UGT1A8: variants seen among roughly 807,000 people sequenced by gnomAD.
UGT1A8 encodes the protein UDP glucuronosyltransferase family 1 member A8.
UGT1A8 carries 39 observed loss-of-function variants against 45.3 expected under a neutral mutation model. The ratio of observed to expected loss-of-function variants is 0.86; its 90% CI spans 0.67 to 1.12. The LOEUF (loss-of-function observed/expected upper bound fraction) is 1.12, where lower values mean the gene tolerates loss of function less well. UGT1A8 is among the 50% of genes most tolerant of loss of function. The pLI, the probability that UGT1A8 is intolerant of heterozygous loss-of-function variation, is 0.00. For synonymous variants in UGT1A8, 275 were observed against 249.2 expected, an observed-to-expected ratio of 1.10 and a Z score of -0.97; for missense variants, 719 against 664.9, an observed-to-expected ratio of 1.08 and a Z score of -0.90.
chr2:233,685,346 A>C (rs930458556), intron 1 of UGT1A8, among the ~76,000 whole-genome samples: 1 of 152,100 alleles, frequency 6.6e-6, no homozygotes, highest in African/African-American at 2.4e-5. Flanking sequence ...AAGTGGTTTT[A>C]ATGAGAAAAA....
chr2:233,697,232 TTTTA>T (rs1162508467), intron 1 of UGT1A8, among the ~76,000 whole-genome samples: 1 of 152,140 alleles, frequency 6.6e-6, no homozygotes, highest in Non-Finnish European at 1.5e-5. Context: ...ATGAGAGACT[TTTTA>T]TTACTGCTTC....
At chr2:233,732,709 C>T (rs540969589) in intron 1 of UGT1A8, among the ~76,000 whole-genome samples, 1 of 150,878 alleles carries the variant, frequency 6.6e-6, no homozygotes, top group Non-Finnish European at 1.5e-5. Context: ...GTTACTGTAG[C>T]CTTGTAGTAC....
chr2:233,771,958 T>A (rs1232504862), intron 4 of UGT1A8, among the ~76,000 whole-genome samples: 1 of 152,108 alleles, frequency 6.6e-6, no homozygotes, highest in East Asian at 1.9e-4. Context: ...CTACAAAAAA[T>A]TTAAAAATTG....
chr2:233,692,950 G>A lies in UGT1A8; in HGVS notation c.856-74084G>A, dbSNP rs1209522841. On this transcript the variant is annotated intron_variant, in intron 1 of 4. Coordinates refer to ENST00000373450, the MANE Select transcript of UGT1A8 (RefSeq NM_019076.5). ...TTTAGGGAAAATACCTAGGAGCCCT[G>A]TGATTTGGAGAGTGAAAACTCTTTA... is the stretch of plus-strand genomic sequence containing the variant. 7 of 1,602,458 alleles carry A rather than the reference G, an allele frequency of 4.4e-6. No homozygotes were observed. In the East Asian group the frequency reaches 1.1e-4, roughly 25 times the overall value.
At position 233,772,260 on chromosome 2, in the gene UGT1A8, A is replaced by G; in HGVS notation, c.1296-2A>G. 1 of 1,614,264 alleles carries G rather than the reference A, an allele frequency of 6.2e-7. No homozygotes were observed. Among genetic ancestry groups the G allele is most frequent in the Non-Finnish European group, 8.5e-7 (1 of 1,180,050 alleles). ...GCATAACGAAACTGTCTTTGTGTTT[A>G]GTTACAAGGAGAACATCATGCGCCT... On this transcript the variant is annotated splice_acceptor_variant, in intron 4 of 4. Transcript: ENST00000373450. LOFTEE classifies it high-confidence loss of function.
At chr2:233,641,092 G>A (rs1228125714) in intron 1 of UGT1A8, among the ~76,000 whole-genome samples, 1 of 152,094 alleles carries the variant, frequency 6.6e-6, no homozygotes. Flanking sequence ...CTAGCTCTCT[G>A]CAGCACAAGC....
At chr2:233,655,744 G>A (rs2073840150) in intron 1 of UGT1A8, among the ~76,000 whole-genome samples, 1 of 152,118 alleles carries the variant, frequency 6.6e-6, no homozygotes, top group Non-Finnish European at 1.5e-5. Context: ...CCTGTCCCTG[G>A]AGGTTCACAG....
chr2:233,729,225 G>A (rs376743890), intron 1 of UGT1A8: 6 of 1,614,040 alleles, frequency 3.7e-6, no homozygotes, highest in Admixed American at 1.7e-5. Context: ...AGGTGTTGGT[G>A]GTGCCCATTG....
intron 1 of UGT1A8, among the ~76,000 whole-genome samples, chr2:233,756,539 T>G (rs1346299785): frequency 6.6e-6 from 1 of 152,226 alleles, no homozygotes; most frequent in Non-Finnish European, 1.5e-5. Context: ...TTTTCTTGAC[T>G]GCTAAAACAA....
intron 1 of UGT1A8, among the ~76,000 whole-genome samples, chr2:233,733,673 A>G (rs1046219304): frequency 2.0e-5 from 3 of 152,206 alleles, no homozygotes; most frequent in African/African-American, 7.2e-5. Context: ...ATCGATGTGG[A>G]TAAACTTTTT....
intron 1 of UGT1A8, among the ~76,000 whole-genome samples, chr2:233,643,542 C>G (rs573590520): frequency 2.6e-5 from 4 of 152,188 alleles, no homozygotes; most frequent in African/African-American, 9.6e-5. Context: ...TGCTCTATCC[C>G]CCTGCAGCAG....
chr2:233,724,478 T>C (rs865902503), intron 1 of UGT1A8, among the ~76,000 whole-genome samples: 108 of 60,136 alleles, frequency 1.8e-3, no homozygotes, highest in South Asian at 3.9e-3. Flanking sequence ...TCCTCACTTC[T>C]CAGACGGGGC....
rs1559392013 is a variant in UGT1A8 at position 233,747,291 on chromosome 2, T to C, written c.856-19743T>C. The C allele has an allele frequency of 3.1e-6, 5 of 1,600,838 alleles. No individual in the cohort carries two copies. In the African/African-American group the frequency reaches 4.0e-5, roughly 13 times the overall value. On this transcript the variant is annotated intron_variant, in intron 1 of 4. Transcript: ENST00000373450. ...TCCTTCTCAGTGCCCAGCCCTGGGCTGAGAGTGGGAAGGTGCTGGTGGTAC... is the reference window on the plus strand; with the variant it reads ...TCCTTCTCAGTGCCCAGCCCTGGGCCGAGAGTGGGAAGGTGCTGGTGGTAC...
At position 233,617,738 on chromosome 2, in the gene UGT1A8, C is replaced by T; in HGVS notation, c.31C>T (p.Pro11Ser). 6.2e-7 allele frequency: 1 copy of T among 1,614,004 alleles called. No homozygotes were observed. The highest frequency in any genetic ancestry group is 8.5e-7 in the Non-Finnish European group (1 of 1,179,968). MARTGWTSPI[P>S]LCVSLLLTCG... The stretch of plus-strand genomic sequence containing the variant: ...TCGCACAGGGTGGACCAGCCCCATT[C>T]CCCTATGTGTTTCTCTGCTGCTGAC... Residue 11 changes from proline (P) to serine (S), a missense_variant, in exon 1 of 5, where the codon CCC (proline) becomes TCC (serine). By Grantham distance (74) the Pro-to-Ser change is moderately conservative (BLOSUM62 -1). Coordinates refer to ENST00000373450, the MANE Select transcript of UGT1A8 (RefSeq NM_019076.5).
intron 1 of UGT1A8, among the ~76,000 whole-genome samples, chr2:233,644,993 G>C (rs548451580): frequency 6.6e-6 from 1 of 152,262 alleles, no homozygotes; most frequent in South Asian, 2.1e-4. Flanking sequence ...CCCTGATTGA[G>C]AAGCTGAATT....
intron 1 of UGT1A8, among the ~76,000 whole-genome samples, chr2:233,621,098 A>G (rs1239551032): frequency 6.6e-6 from 1 of 152,192 alleles, no homozygotes; most frequent in Admixed American, 6.5e-5. Context: ...GATGTAATTA[A>G]ATACTTTAAC....
At chr2:233,701,241 G>A (rs1418250503) in intron 1 of UGT1A8, among the ~76,000 whole-genome samples, 2 of 152,066 alleles carry the variant, frequency 1.3e-5, no homozygotes, top group African/African-American at 4.8e-5. Context: ...ACCCAGTAAT[G>A]AGATGGCTGG....
chr2:233,766,893 T>C (rs1364703426), intron 1 of UGT1A8, 141 bp from the exon 2 acceptor site: 21 of 1,472,754 alleles, frequency 1.4e-5, no homozygotes. Flanking sequence ...AACTTACATA[T>C]TAATAATTTT....
chr2:233,689,167 T>C (rs1483008187), intron 1 of UGT1A8, among the ~76,000 whole-genome samples: 1 of 152,216 alleles, frequency 6.6e-6, no homozygotes, highest in African/African-American at 2.4e-5. Flanking sequence ...CCTTATCTTC[T>C]ACTAGGACAG....
Sources: allele counts gnomAD v4.1 joint callset (sites outside exome capture counted in the v4.1 genomes callset), GRCh38; gene constraint gnomAD v4.1.1; transcripts MANE v1.5; gene names NCBI Gene and HGNC (gene_info 2026-07-23, HGNC 2026-07-21).